SNX4: variants seen among roughly 807,000 people sequenced by gnomAD.
SNX4 encodes sorting nexin-4.
SNX4 carries 49 observed loss-of-function variants against 70.8 expected under a neutral mutation model. That is an observed-to-expected ratio of 0.69 (90% CI 0.55 to 0.88). The LOEUF is 0.88. SNX4 is among the 40% of genes least tolerant of loss of function. The probability of loss-of-function intolerance (pLI) is 0.00; values close to 1 mark genes in which losing one functional copy is unlikely to be tolerated. For synonymous variants in SNX4, 206 were observed against 183.8 expected (o/e 1.12, Z -0.98); for missense variants, 528 against 544.8 (o/e 0.97, Z 0.31).
chr3:125,504,798 T>A, intron 1 of SNX4, 54 bp from the exon 2 acceptor site: 1 of 1,571,180 alleles, frequency 6.4e-7, no homozygotes, highest in Non-Finnish European at 8.6e-7. Flanking sequence ...AAGATGGTAC[T>A]GAAAAAAGCC....
At chr3:125,469,915 C>A (rs181773110) in intron 8 of SNX4, among the ~76,000 whole-genome samples, 145 of 152,250 alleles carry the variant, frequency 9.5e-4, no homozygotes, top group African/African-American at 3.3e-3. Context: ...ACTCCATGTA[C>A]GGCTCTGATG....
intron 12 of SNX4, among the ~76,000 whole-genome samples, chr3:125,452,525 C>T (rs7618658): frequency 0.2 from 30,687 of 151,934 alleles, 3,628 homozygotes; most frequent in African/African-American, 0.32. Context: ...GAGGTGGCAG[C>T]GAGCAACAAT....
At chr3:125,497,038 A>G (rs1229777188) in intron 5 of SNX4, among the ~76,000 whole-genome samples, 2 of 151,880 alleles carry the variant, frequency 1.3e-5, no homozygotes, top group East Asian at 3.9e-4. Flanking sequence ...AAAATCTACA[A>G]CTTGTATTTA....
At chr3:125,516,895 T>C (rs1022114557) in intron 1 of SNX4, 3 of 152,192 alleles carry the variant, frequency 2.0e-5, no homozygotes, top group African/African-American at 4.8e-5. Flanking sequence ...CTGAACACTA[T>C]TTGCCTAGAC....
At chr3:125,484,444 G>A (rs1361566660) in intron 6 of SNX4, among the ~76,000 whole-genome samples, 8 of 152,106 alleles carry the variant, frequency 5.3e-5, no homozygotes, top group South Asian at 2.1e-4. Flanking sequence ...TAGTAGAGAC[G>A]GGGTTTCACC....
intron 8 of SNX4, among the ~76,000 whole-genome samples, chr3:125,476,050 G>A (rs985628435): frequency 2.6e-5 from 4 of 151,462 alleles, no homozygotes; most frequent in Non-Finnish European, 5.9e-5. Flanking sequence ...GGTGGATCAC[G>A]AGGTCAGGAG....
At chr3:125,475,274 T>C (rs1934266200) in intron 8 of SNX4, among the ~76,000 whole-genome samples, 2 of 152,164 alleles carry the variant, frequency 1.3e-5, no homozygotes, top group African/African-American at 4.8e-5. Flanking sequence ...TACATTCAAA[T>C]AAATTATAGC....
At chr3:125,448,784 T>C (rs1479095341) in intron 13 of SNX4, among the ~76,000 whole-genome samples, 1 of 146,830 alleles carries the variant, frequency 6.8e-6, no homozygotes, top group Non-Finnish European at 1.5e-5. Context: ...CACACCATTC[T>C]ACCACCTCAG....
chr3:125,499,762 TA>T (rs372624115), intron 2 of SNX4, among the ~76,000 whole-genome samples: 25,441 of 134,654 alleles, frequency 0.19, 2,995 homozygotes, highest in African/African-American at 0.35. Context: ...CATAAGTGTT[TA>T]AAAAAAAAAA....
At chr3:125,449,496 A>G (rs1233183750) in intron 13 of SNX4, among the ~76,000 whole-genome samples, 1 of 152,112 alleles carries the variant, frequency 6.6e-6, no homozygotes, top group Non-Finnish European at 1.5e-5. Flanking sequence ...CCTGGGATCA[A>G]GTGATCCTCC....
chr3:125,456,228 C>T (rs953573568), intron 11 of SNX4, among the ~76,000 whole-genome samples: 3 of 152,136 alleles, frequency 2.0e-5, no homozygotes, highest in African/African-American at 4.8e-5. Flanking sequence ...GAATAAAGTA[C>T]ATCAAAAGCT....
At chr3:125,480,222 C>A in intron 7 of SNX4, 25 bp downstream of exon 7, 1 of 1,471,998 alleles carries the variant, frequency 6.8e-7, no homozygotes, top group South Asian at 1.4e-5. Flanking sequence ...GCATGTGCAT[C>A]AAAAAGCTTT....
chr3:125,463,159 T>C (rs916969376), intron 9 of SNX4, among the ~76,000 whole-genome samples: 1 of 152,202 alleles, frequency 6.6e-6, no homozygotes. Context: ...CTAAGGGTCA[T>C]TTGAAAAGCA....
chr3:125,498,784 A>G (rs1934865780), intron 2 of SNX4, among the ~76,000 whole-genome samples: 1 of 152,212 alleles, frequency 6.6e-6, no homozygotes, highest in Admixed American at 6.5e-5. Flanking sequence ...AACATAAGAG[A>G]AACAGTTTTA....
At chr3:125,481,981 G>A (rs1388138326) in intron 6 of SNX4, among the ~76,000 whole-genome samples, 1 of 151,862 alleles carries the variant, frequency 6.6e-6, no homozygotes, top group Non-Finnish European at 1.5e-5. Context: ...TGATCCACCT[G>A]CCTCAGCCTC....
chr3:125,477,165 A>G (rs1459162696), intron 7 of SNX4, among the ~76,000 whole-genome samples: 2 of 152,194 alleles, frequency 1.3e-5, no homozygotes, highest in East Asian at 3.8e-4. Flanking sequence ...ATAAAAAGTT[A>G]TCTCTGAGAA....
At chr3:125,475,931 C>G (rs1559815345) in intron 8 of SNX4, among the ~76,000 whole-genome samples, 1 of 145,888 alleles carries the variant, frequency 6.9e-6, no homozygotes, top group Non-Finnish European at 1.5e-5. Flanking sequence ...TGAGCCAAGA[C>G]CTACACCACT....
At chr3:125,465,786 G>A (rs746946351) in intron 9 of SNX4, among the ~76,000 whole-genome samples, 2 of 152,080 alleles carry the variant, frequency 1.3e-5, no homozygotes, top group Non-Finnish European at 2.9e-5. Flanking sequence ...AGGACTATAG[G>A]CATGCGCCAC....
chr3:125,499,149 A>C (rs1034384120), intron 2 of SNX4, among the ~76,000 whole-genome samples: 1 of 152,242 alleles, frequency 6.6e-6, no homozygotes, highest in African/African-American at 2.4e-5. Context: ...CTTTTGGCAG[A>C]AAGTTAAGGT....
Sources: allele counts gnomAD v4.1 joint callset (sites outside exome capture counted in the v4.1 genomes callset), GRCh38; gene constraint gnomAD v4.1.1; transcripts MANE v1.5; gene names NCBI Gene and HGNC (gene_info 2026-07-23, HGNC 2026-07-21).